The following TNPO1 variants were observed in gnomAD, a reference collection of about 807,000 sequenced individuals.
TNPO1 encodes transportin 1.
A neutral mutation model predicts 119.5 loss-of-function variants in TNPO1; 8 were observed. The ratio of observed to expected loss-of-function variants is 0.07; its 90% CI spans 0.04 to 0.12. The LOEUF is 0.12. Among genes scored for constraint, TNPO1 ranks in the 10% least tolerant of loss-of-function variants. TNPO1 has a pLI of 1.00. For synonymous variants in TNPO1, 362 were observed against 363.0 expected (o/e 1.00, Z 0.03); for missense variants, 576 against 1,089.8 (o/e 0.53, Z 6.64).
chr5:72,874,983 C>G (rs940487495), intron 7 of TNPO1, among the ~76,000 whole-genome samples: 8 of 151,774 alleles, frequency 5.3e-5, no homozygotes, highest in African/African-American at 1.9e-4. Context: ...CCATGAAAGC[C>G]AGATTCAGAT....
chr5:72,879,436 G>T (rs1033557494), intron 9 of TNPO1, among the ~76,000 whole-genome samples: 1 of 152,156 alleles, frequency 6.6e-6, no homozygotes, highest in Non-Finnish European at 1.5e-5. Flanking sequence ...AAACCAAGCA[G>T]GAAATTAAAA....
chr5:72,823,199 T>C (rs77006105), intron 1 of TNPO1, among the ~76,000 whole-genome samples: 3,355 of 152,190 alleles, frequency 0.022, 49 homozygotes, highest in Non-Finnish European at 0.033. Context: ...GGGAAAGATA[T>C]CTGTCATGAG....
chr5:72,877,910 T>G (rs955892359), intron 9 of TNPO1, among the ~76,000 whole-genome samples: 4 of 152,182 alleles, frequency 2.6e-5, no homozygotes, highest in African/African-American at 9.7e-5. Context: ...TAGCATGTAT[T>G]CAGGGGGTTT....
chr5:72,834,956 C>A (rs546608411), intron 1 of TNPO1, among the ~76,000 whole-genome samples: 2 of 151,582 alleles, frequency 1.3e-5, no homozygotes, highest in South Asian at 4.2e-4. Context: ...TGTGTAGATA[C>A]ACAAGTACTT....
intron 5 of TNPO1, 140 bp downstream of exon 5, chr5:72,862,054 A>T: frequency 1.7e-6 from 1 of 585,946 alleles, no homozygotes; most frequent in East Asian, 2.9e-5. Flanking sequence ...CCTTTGTGTT[A>T]TATTACATTT....
At chr5:72,841,389 A>G (rs953038094) in intron 1 of TNPO1, among the ~76,000 whole-genome samples, 5 of 152,144 alleles carry the variant, frequency 3.3e-5, no homozygotes, top group Admixed American at 2.0e-4. Context: ...AAAGTGCTGG[A>G]ATACAGGCGT....
intron 1 of TNPO1, among the ~76,000 whole-genome samples, chr5:72,826,557 A>G (rs1327432637): frequency 1.3e-5 from 2 of 152,236 alleles, no homozygotes; most frequent in Non-Finnish European, 2.9e-5. Flanking sequence ...ATACAGATAC[A>G]GAGCCTAGAA....
rs1007435179 is a variant in TNPO1, at chr5:72,887,349, G to A, written c.1303+127G>A. ...AACTAGTATTAAACAGCCATAGGCC[G>A]TCTTCTAACCCCAGCTAGATATTTT... On this transcript the variant is annotated intron_variant, in intron 12 of 24. Coordinates refer to ENST00000337273, the MANE Select transcript of TNPO1 (RefSeq NM_002270.4). 2.7e-5 allele frequency: 28 copies of A among 1,048,098 alleles called. 1 individual carries two copies. The highest frequency in any genetic ancestry group is 1.3e-4 in the Admixed American group (5 of 37,828). 64.9% of individuals were successfully genotyped at this position (1,048,098 alleles called of 1,614,324 possible). A position where few individuals can be genotyped will look rare whatever the true frequency, so the allele number is the denominator to read the frequency against.
At position 72,886,279 on chromosome 5, in the gene TNPO1, T is replaced by A. The variant is rs146533530; in HGVS notation, c.1151-791T>A. On this transcript the variant is annotated intron_variant, in intron 11 of 24. Coordinates refer to ENST00000337273, the MANE Select transcript of TNPO1 (RefSeq NM_002270.4). ...AGTATTTTCTAGCATGCGTTATGTT[T>A]CATGTGCCAGTGACTTTTCTTCCAG... 4.7e-3 allele frequency among the ~76,000 whole-genome samples: 722 copies of A among 152,368 alleles called. 7 individuals are homozygous for A. The highest frequency in any genetic ancestry group is 0.017 in the African/African-American group (701 of 41,590).
At position 72,902,965 on chromosome 5, in the gene TNPO1, TATA is replaced by T. The variant is rs543490893; in HGVS notation, c.2515-740_2515-738del. On this transcript the variant is annotated intron_variant, in intron 22 of 24. Coordinates refer to ENST00000337273, the MANE Select transcript of TNPO1 (RefSeq NM_002270.4). Reference sequence around the variant, plus strand: ...TTTGAAATTAGTGAAGTTTTCTGAATATAATAGTAAAATTTATAGTTGACATGT... The same window carrying T: ...TTTGAAATTAGTGAAGTTTTCTGAATATAGTAAAATTTATAGTTGACATGT... Among the ~76,000 whole-genome samples the T allele has an allele frequency of 5.0e-3, 764 of 152,316 alleles. 5 individuals carry two copies. Among genetic ancestry groups the T allele is most frequent in the Middle Eastern group, 0.024 (7 of 294 alleles).
intron 1 of TNPO1, among the ~76,000 whole-genome samples, chr5:72,818,687 T>A (rs1235440816): frequency 1.3e-5 from 2 of 152,314 alleles, no homozygotes; most frequent in African/African-American, 4.8e-5. Context: ...ATTGTGATAT[T>A]TTTTCCTGAG....
In TNPO1 at chr5:72,858,569, G is replaced by C. The variant is rs560880181; in HGVS notation, c.355+2646G>C. ...GACTAAAGTATTGGCCAGGTGCGGT[G>C]GCTCATGCCTGTAATCCCAGCACTT... is the stretch of plus-strand genomic sequence containing the variant. On this transcript the variant is annotated intron_variant, in intron 4 of 24. Coordinates refer to ENST00000337273, the MANE Select transcript of TNPO1 (RefSeq NM_002270.4). 2.6e-5 allele frequency among the ~76,000 whole-genome samples: 4 copies of C among 152,296 alleles called. No individual in the cohort carries two copies. The East Asian group carries it at 7.7e-4, about 29-fold the overall frequency.
intron 4 of TNPO1, among the ~76,000 whole-genome samples, chr5:72,858,842 A>G (rs921676424): frequency 6.6e-6 from 1 of 152,150 alleles, no homozygotes; most frequent in African/African-American, 2.4e-5. Context: ...GTCTCAAAAA[A>G]AAAAAAGACT....
intron 3 of TNPO1, 57 bp downstream of exon 3, chr5:72,851,376 T>C: frequency 1.0e-6 from 1 of 982,418 alleles, no homozygotes; most frequent in Non-Finnish European, 1.6e-6. Flanking sequence ...TGTTTAAATG[T>C]ACTGAGAATT....
intron 4 of TNPO1, among the ~76,000 whole-genome samples, chr5:72,860,334 C>T (rs1014933902): frequency 6.6e-6 from 1 of 152,050 alleles, no homozygotes; most frequent in East Asian, 1.9e-4. Context: ...ATATAATTTG[C>T]CTATTGTCAG....
At chr5:72,861,995 T>A in intron 5 of TNPO1, 81 bp downstream of exon 5, 2 of 1,009,002 alleles carry the variant, frequency 2.0e-6, no homozygotes, top group African/African-American at 1.6e-5. Flanking sequence ...TTGGGAAAAA[T>A]AGTTCCTCTG....
At chr5:72,830,156 G>A (rs1198256354) in intron 1 of TNPO1, among the ~76,000 whole-genome samples, 2 of 152,128 alleles carry the variant, frequency 1.3e-5, no homozygotes, top group Non-Finnish European at 2.9e-5. Context: ...GACATAAAAA[G>A]GATAAGGTGC....
rs932002621 is a variant in TNPO1 at position 72,910,331 on chromosome 5, C to G, written c.*1658C>G. On this transcript the variant is annotated 3_prime_UTR_variant, in exon 25 of 25. Coordinates refer to ENST00000337273, the MANE Select transcript of TNPO1 (RefSeq NM_002270.4). ...AAATCCTTGTTAAGTTAACCCTTTA[C>G]TTTTCCTTCCATGTGTATTTTCTTA... The G allele has an allele frequency of 6.6e-6, 1 of 152,590 alleles. No homozygotes were observed. The highest frequency in any genetic ancestry group is 6.6e-5 in the Admixed American group (1 of 15,262). The allele number at this position is 152,590 out of a possible 1,614,324, so 9.5% of individuals were successfully genotyped here. A position where few individuals can be genotyped will look rare whatever the true frequency, so the allele number is the denominator to read the frequency against.
intron 2 of TNPO1, among the ~76,000 whole-genome samples, chr5:72,850,337 G>A (rs1745449908): frequency 6.6e-6 from 1 of 152,186 alleles, no homozygotes; most frequent in African/African-American, 2.4e-5. Flanking sequence ...GTCTTGGTTG[G>A]AGAAAGTAGT....
Sources: gnomAD v4.1 joint callset for allele counts (sites outside exome capture counted in the v4.1 genomes callset) on GRCh38, gnomAD v4.1.1 for gene constraint, MANE v1.5 for transcripts, NCBI Gene and HGNC (gene_info 2026-07-23, HGNC 2026-07-21) for gene names.